The following SRGAP2 variants were observed in gnomAD, a reference collection of about 807,000 sequenced individuals.
The protein encoded by SRGAP2 is SLIT-ROBO Rho GTPase-activating protein 2.
Under a neutral mutation model 57.2 loss-of-function variants are expected in SRGAP2, and 15 were observed. That is an observed-to-expected ratio of 0.26 (90% confidence interval 0.18 to 0.40). The LOEUF (loss-of-function observed/expected upper bound fraction) is 0.40. SRGAP2 is among the 10% of genes least tolerant of loss of function. The probability of loss-of-function intolerance (pLI) is 1.00; values close to 1 mark genes in which losing one functional copy is unlikely to be tolerated. For synonymous variants in SRGAP2, 249 were observed against 248.0 expected (o/e 1.00, Z -0.04); for missense variants, 520 against 669.6 (o/e 0.78, Z 2.47).
chr1:206,251,702 C>CT lies in SRGAP2; in HGVS notation c.67+45685dup, dbSNP rs1180655419. 3.6e-3 allele frequency among the ~76,000 whole-genome samples: 242 copies of CT among 66,358 alleles called. 29 individuals carry two copies. The highest frequency in any genetic ancestry group is 0.013 in the Middle Eastern group (2 of 156). 43.5% of individuals were successfully genotyped at this position (66,358 alleles called of 152,430 possible). A position where few individuals can be genotyped will look rare whatever the true frequency, so the allele number is the denominator to read the frequency against. On this transcript the variant is annotated intron_variant, in intron 2 of 22. Transcript: ENST00000573034. ...GGCAGGAGGGATCTCCCCCTTGGTT[C>CT]TTTTTTTTTTTTTTTTTTTTGAGAC...
At chr1:206,410,337 T>A (rs1646638798) in intron 10 of SRGAP2, among the ~76,000 whole-genome samples, 1 of 152,258 alleles carries the variant, frequency 6.6e-6, no homozygotes, top group African/African-American at 2.4e-5. Context: ...TTATCTTTTA[T>A]AACACATAGT....
intron 1 of SRGAP2, 33 bp downstream of exon 1, chr1:206,203,683 C>T (rs1480861533): frequency 2.2e-5 from 20 of 891,478 alleles, no homozygotes; most frequent in Non-Finnish European, 3.4e-5. Context: ...TTTTCTTCCT[C>T]CCGGCCGCCG....
intron 5 of SRGAP2, among the ~76,000 whole-genome samples, chr1:206,384,913 A>T (rs1190741461): frequency 6.8e-6 from 1 of 146,640 alleles, no homozygotes; most frequent in Non-Finnish European, 1.5e-5. Flanking sequence ...CTACTATGTC[A>T]TTCTCCAGGG....
chr1:206,460,756 G>A (rs368968567), intron 22 of SRGAP2, among the ~76,000 whole-genome samples: 1 of 151,710 alleles, frequency 6.6e-6, no homozygotes, highest in Non-Finnish European at 1.5e-5. Context: ...ATGTCACTTC[G>A]TCGATAAGTA....
chr1:206,429,591 A>G (rs990018271), intron 13 of SRGAP2, among the ~76,000 whole-genome samples: 6 of 152,374 alleles, frequency 3.9e-5, no homozygotes, highest in African/African-American at 1.2e-4. Flanking sequence ...CGTGGCCAGC[A>G]TAGCTGTAGC....
At chr1:206,236,435 C>T (rs1249178009) in intron 2 of SRGAP2, among the ~76,000 whole-genome samples, 24 of 152,210 alleles carry the variant, frequency 1.6e-4, no homozygotes, top group Middle Eastern at 3.2e-3. Context: ...GAGATAGCAT[C>T]GCATGTCAAG....
Position 206,425,574 on chromosome 1 carries a change from G to A in SRGAP2, c.1494+4300G>A, listed in dbSNP as rs1393674035. ...TTTTGAGACAGGGTCTCGTTCTGTT[G>A]CGCAGGCTGGACTGCAGTGGTGTGA... On this transcript the variant is annotated intron_variant, in intron 13 of 22. Coordinates refer to ENST00000573034, the MANE Select transcript of SRGAP2 (RefSeq NM_015326.5). Among the ~76,000 whole-genome samples, 5 of 151,790 alleles carry A rather than the reference G, an allele frequency of 3.3e-5. No individual in the cohort carries two copies. In the South Asian group the frequency reaches 1.0e-3, roughly 32 times the overall value.
intron 3 of SRGAP2, among the ~76,000 whole-genome samples, chr1:206,323,475 A>T (rs1354428068): frequency 6.7e-6 from 1 of 148,268 alleles, no homozygotes; most frequent in Admixed American, 6.7e-5. Context: ...CATCTTATGG[A>T]TTGAGACCCT....
intron 3 of SRGAP2, among the ~76,000 whole-genome samples, chr1:206,313,172 C>G (rs1672796083): frequency 7.0e-6 from 1 of 141,854 alleles, no homozygotes; most frequent in South Asian, 2.3e-4. Flanking sequence ...CAGCGTTTCT[C>G]CCAGCTTCTT....
chr1:206,440,508 A>G (rs1553371657), intron 17 of SRGAP2, among the ~76,000 whole-genome samples: 1 of 152,012 alleles, frequency 6.6e-6, no homozygotes, highest in Non-Finnish European at 1.5e-5. Flanking sequence ...GAGTCATGGT[A>G]ATAGCGAGTT....
At chr1:206,216,632 T>G in intron 2 of SRGAP2, among the ~76,000 whole-genome samples, 1 of 152,022 alleles carries the variant, frequency 6.6e-6, no homozygotes. Flanking sequence ...TTTCAAGTCA[T>G]TTGGTATGAA....
In SRGAP2 at chr1:206,418,962, C is replaced by T. The variant is rs948873224; in HGVS notation, c.1442-411C>T. ...TATACTCAGGAGCAAGTAAACTTGG[C>T]CTTCCACCCCACCACACACACATCC... On this transcript the variant is annotated intron_variant, in intron 11 of 22. Transcript: ENST00000573034. 5.4e-5 allele frequency among the ~76,000 whole-genome samples: 8 copies of T among 148,246 alleles called. No individual in the cohort carries two copies. The South Asian group carries it at 1.7e-3, about 32-fold the overall frequency.
intron 10 of SRGAP2, chr1:206,407,949 TC>T (rs1464728013): frequency 2.0e-5 from 3 of 152,090 alleles, no homozygotes; most frequent in Admixed American, 6.6e-5. Context: ...GCATTTTAGC[TC>T]ATTCATTGAT....
intron 18 of SRGAP2, among the ~76,000 whole-genome samples, chr1:206,447,029 G>C (rs1662813736): frequency 6.6e-6 from 1 of 152,216 alleles, no homozygotes; most frequent in Non-Finnish European, 1.5e-5. Flanking sequence ...CCACTCTAGT[G>C]ATGGGAATTT....
At chr1:206,364,299 CTTTTTT>C in intron 4 of SRGAP2, among the ~76,000 whole-genome samples, 1 of 118,580 alleles carries the variant, frequency 8.4e-6, no homozygotes, top group African/African-American at 3.3e-5. Context: ...GGTTGCTCTT[CTTTTTT>C]TTTTTTTTTT....
At chr1:206,333,723 T>A (rs1411770555) in intron 3 of SRGAP2, among the ~76,000 whole-genome samples, 4 of 152,146 alleles carry the variant, frequency 2.6e-5, no homozygotes, top group African/African-American at 9.7e-5. Flanking sequence ...GTGAAGAGAT[T>A]TTGAGACCCA....
At chr1:206,431,193 T>C (rs1661251346) in intron 14 of SRGAP2, among the ~76,000 whole-genome samples, 1 of 152,254 alleles carries the variant, frequency 6.6e-6, no homozygotes, top group Non-Finnish European at 1.5e-5. Flanking sequence ...TAATCAGCTA[T>C]AATTTTTAAA....
At chr1:206,438,284 A>G (rs1553370755) in intron 16 of SRGAP2, among the ~76,000 whole-genome samples, 186 bp downstream of exon 16, 2 of 150,882 alleles carry the variant, frequency 1.3e-5, no homozygotes, top group Non-Finnish European at 2.9e-5. Flanking sequence ...AAGACTTTTC[A>G]GTAAGAATCT....
At chr1:206,415,591 A>G (rs927046527) in intron 10 of SRGAP2, among the ~76,000 whole-genome samples, 2 of 152,256 alleles carry the variant, frequency 1.3e-5, no homozygotes, top group Non-Finnish European at 2.9e-5. Flanking sequence ...CAATAAGTTC[A>G]TCTACCCTCC....
Sources: allele counts gnomAD v4.1 joint callset (sites outside exome capture counted in the v4.1 genomes callset), GRCh38; gene constraint gnomAD v4.1.1; transcripts MANE v1.5; gene names NCBI Gene and HGNC (gene_info 2026-07-23, HGNC 2026-07-21).